MCTP1: variants seen among roughly 807,000 people sequenced by gnomAD.
The protein encoded by MCTP1 is multiple C2 and transmembrane domain containing 1.
A neutral mutation model predicts 120.6 loss-of-function variants in MCTP1; 69 were observed. That is an observed-to-expected ratio of 0.57 (90% CI 0.47 to 0.70). The LOEUF is 0.70. MCTP1 is among the 30% of genes least tolerant of loss of function. The pLI, the probability that MCTP1 is intolerant of heterozygous loss-of-function variation, is 0.00. For missense variants in MCTP1, 1,203 were observed against 1,248.8 expected, an observed-to-expected ratio of 0.96 and a Z score of 0.55; for synonymous variants, 529 against 493.1, an observed-to-expected ratio of 1.07 and a Z score of -0.96.
Position 95,284,436 on chromosome 5 carries a change from T to C in MCTP1, c.140A>G (p.Glu47Gly). 6.5e-7 allele frequency: 1 copy of C among 1,540,974 alleles called. No individual in the cohort carries two copies. Among genetic ancestry groups the C allele is most frequent in the East Asian group, 2.4e-5 (1 of 40,864 alleles). The change falls in exon 1 of 23, where the codon GAG (glutamate) becomes GGG (glycine). Residue 47 changes from glutamate to glycine, a missense_variant. Glu to Gly is a moderately conservative substitution (Grantham distance 98). Around this residue, in one of 2 missense-constraint regions of MCTP1, gnomAD observed 463 missense variants for 377.8 expected, o/e 1.23. Transcript: ENST00000515393. This position sits in a 1 kb window ranked among gnomAD's most constrained non-coding sequence, Gnocchi z 5.2. ...GGGGGRAGGPERRTADTPSPS... is the reference protein window; with the variant it reads ...GGGGGRAGGPGRRTADTPSPS... ...CGACGGGGTGTCCGCAGTGCGGCGC[T>C]CTGGACCCCCAGCGCGCCCGCCCCC...
chr5:95,170,508 G>C (rs1298417672), intron 1 of MCTP1, among the ~76,000 whole-genome samples: 1 of 152,016 alleles, frequency 6.6e-6, no homozygotes, highest in Admixed American at 6.6e-5. Context: ...TTGACAGTGG[G>C]GTGTTAAAGT....
intron 2 of MCTP1, among the ~76,000 whole-genome samples, chr5:94,996,426 G>A (rs1389773007): frequency 1.3e-5 from 2 of 152,146 alleles, no homozygotes; most frequent in Non-Finnish European, 2.9e-5. Flanking sequence ...GGATACTATA[G>A]CCATTTCCCA....
chr5:95,078,741 A>G (rs1408034031), intron 1 of MCTP1, among the ~76,000 whole-genome samples: 1 of 152,154 alleles, frequency 6.6e-6, no homozygotes, highest in African/African-American at 2.4e-5. Flanking sequence ...CCTAGGTTCA[A>G]TTCTGGTCAT....
In MCTP1 at chr5:94,779,145, C is replaced by G. The variant is rs912971726; in HGVS notation, c.2575G>C (p.Glu859Gln). ...QRDTVVEDML[E>Q]DEEEEDDKDD... ...TTGTCATCTTCTTCTTCCTCGTCCT[C>G]TAGCATGTCCTCCACTACCTGCAGA... Residue 859 changes from glutamate to glutamine, a missense_variant, in exon 19 of 23, where the codon GAG (glutamate) becomes CAG (glutamine). Coordinates refer to ENST00000515393, the MANE Select transcript of MCTP1 (RefSeq NM_024717.7). 10 of 1,613,680 alleles carry G rather than the reference C, an allele frequency of 6.2e-6. No homozygotes were observed. The highest frequency in any genetic ancestry group is 8.5e-6 in the Non-Finnish European group (10 of 1,179,676).
At chr5:95,105,668 A>G (rs2152379896) in intron 1 of MCTP1, among the ~76,000 whole-genome samples, 1 of 152,194 alleles carries the variant, frequency 6.6e-6, no homozygotes, top group Non-Finnish European at 1.5e-5. Flanking sequence ...AGCCCTAGGA[A>G]TACTGCTGAG....
chr5:95,241,402 T>C (rs979592800), intron 1 of MCTP1, among the ~76,000 whole-genome samples: 13 of 152,196 alleles, frequency 8.5e-5, no homozygotes, highest in African/African-American at 2.9e-4. Flanking sequence ...GAAGTCTGCA[T>C]AGGAAGATAA....
Position 95,047,314 on chromosome 5 carries a change from G to A in MCTP1, c.721-29830C>T, listed in dbSNP as rs548906350. Among the ~76,000 whole-genome samples the A allele has an allele frequency of 2.6e-5, 4 of 152,208 alleles. No individual in the cohort carries two copies. The South Asian group carries it at 8.3e-4, about 32-fold the overall frequency. ...CGTCATCCTGGTTAAGTGGACCACG[G>A]AGCACTGAGCAGGCACCATGGCACA... is the stretch of plus-strand genomic sequence containing the variant. On this transcript the variant is annotated intron_variant, in intron 1 of 22. Transcript: ENST00000515393.
chr5:95,040,954 C>G (rs1294557667), intron 1 of MCTP1, among the ~76,000 whole-genome samples: 1 of 151,980 alleles, frequency 6.6e-6, no homozygotes, highest in Non-Finnish European at 1.5e-5. Flanking sequence ...ATAGTGGAGG[C>G]TGGGTGGAGA....
intron 2 of MCTP1, among the ~76,000 whole-genome samples, chr5:94,987,332 C>T (rs1212279293): frequency 6.6e-6 from 1 of 152,140 alleles, no homozygotes; most frequent in Non-Finnish European, 1.5e-5. Flanking sequence ...TGGTACAGAG[C>T]TCCAGGTGTG....
chr5:94,790,876 T>G (rs1303316650), intron 18 of MCTP1, among the ~76,000 whole-genome samples: 1 of 152,082 alleles, frequency 6.6e-6, no homozygotes, highest in Admixed American at 6.5e-5. Flanking sequence ...TCAAAATGCA[T>G]ATACTCTCAC....
At chr5:95,202,531 C>G (rs1487229886) in intron 1 of MCTP1, among the ~76,000 whole-genome samples, 1 of 152,084 alleles carries the variant, frequency 6.6e-6, no homozygotes, top group Non-Finnish European at 1.5e-5. Flanking sequence ...TTTGGAGAAC[C>G]CTGACTAGTA....
intron 10 of MCTP1, among the ~76,000 whole-genome samples, chr5:94,906,993 T>G (rs1807084135): frequency 1.3e-5 from 2 of 152,206 alleles, no homozygotes; most frequent in Admixed American, 6.5e-5. Flanking sequence ...ATACTCAAAT[T>G]TAATTGGAAA....
chr5:94,771,847 T>G (rs1337166921), intron 19 of MCTP1, among the ~76,000 whole-genome samples: 1 of 152,194 alleles, frequency 6.6e-6, no homozygotes, highest in African/African-American at 2.4e-5. Context: ...TATCTTACCA[T>G]TCCATAGGTC....
Position 94,703,948 on chromosome 5 carries a change from A to G in MCTP1, c.*3548T>C, listed in dbSNP as rs571460444. On this transcript the variant is annotated 3_prime_UTR_variant, in exon 23 of 23. Transcript: ENST00000515393. ...CTGCCTCTATTCAAATTGCCACTAT[A>G]TAAAAGAAACTGAGGTACCAGAGGG... 6.6e-6 allele frequency: 1 copy of G among 151,222 alleles called. No individual in the cohort carries two copies. Among genetic ancestry groups the G allele is most frequent in the East Asian group, 1.9e-4 (1 of 5,134 alleles). 9.4% of individuals were successfully genotyped at this position (151,222 alleles called of 1,614,324 possible). A position where few individuals can be genotyped will look rare whatever the true frequency, so the allele number is the denominator to read the frequency against.
chr5:94,722,055 T>C (rs1282265710), intron 19 of MCTP1, among the ~76,000 whole-genome samples: 3 of 152,200 alleles, frequency 2.0e-5, no homozygotes, highest in Admixed American at 1.3e-4. Flanking sequence ...TGAAGTACAG[T>C]GATTCTTTAA....
At chr5:94,844,301 CAAAAAAAAAAA>C (rs59169145) in intron 17 of MCTP1, among the ~76,000 whole-genome samples, 1 of 79,712 alleles carries the variant, frequency 1.3e-5, no homozygotes, top group Non-Finnish European at 2.3e-5. Context: ...GACTCTGTCT[CAAAAAAAAAAA>C]AAAAAAAAAG....
At chr5:95,234,960 G>A (rs1331535523) in intron 1 of MCTP1, among the ~76,000 whole-genome samples, 2 of 151,980 alleles carry the variant, frequency 1.3e-5, no homozygotes, top group Non-Finnish European at 2.9e-5. Context: ...ATTTGAGGAA[G>A]AAGAAATACA....
chr5:94,822,831 G>A (rs1785993184), intron 17 of MCTP1, among the ~76,000 whole-genome samples: 2 of 152,098 alleles, frequency 1.3e-5, no homozygotes, highest in Admixed American at 6.5e-5. Context: ...TTTTTCATAT[G>A]TTTGTTGGCT....
intron 1 of MCTP1, among the ~76,000 whole-genome samples, chr5:95,046,640 CCAGA>C (rs1744620726): frequency 6.6e-6 from 1 of 152,100 alleles, no homozygotes; most frequent in Non-Finnish European, 1.5e-5. Flanking sequence ...TAAGAGTTCG[CCAGA>C]CAGAGTCACT....
Sources: allele counts gnomAD v4.1 joint callset (sites outside exome capture counted in the v4.1 genomes callset), GRCh38; gene constraint gnomAD v4.1.1; regional missense constraint gnomAD v4.1.1; non-coding constraint Gnocchi (gnomAD v3.1); transcripts MANE v1.5; gene names NCBI Gene and HGNC (gene_info 2026-07-23, HGNC 2026-07-21).